Variants in COL22A1 observed in about 807,000 individuals in gnomAD.
The protein encoded by COL22A1 is collagen alpha-1(XXII) chain.
A neutral mutation model predicts 248.9 loss-of-function variants in COL22A1; 221 were observed. The observed-to-expected ratio is 0.89, with a 90% CI of 0.80 to 0.99. COL22A1 has a LOEUF of 0.99. Among genes scored for constraint, COL22A1 ranks in the 50% least tolerant of loss-of-function variants. The pLI is 0.00. For missense variants in COL22A1, 2,240 were observed against 2,179.0 expected, an observed-to-expected ratio of 1.03 and a Z score of -0.56; for synonymous variants, 891 against 793.4, an observed-to-expected ratio of 1.12 and a Z score of -2.07.
chr8:138,764,172 G>A (rs538831379), intron 16 of COL22A1, among the ~76,000 whole-genome samples: 14 of 152,278 alleles, frequency 9.2e-5, no homozygotes, highest in East Asian at 7.7e-4. Flanking sequence ...TGCTGTGCTC[G>A]CTGTGGGTGC....
At chr8:138,676,474 A>AAAGAAAGGAAGGAAGAAAGAAAG in intron 41 of COL22A1, 84 bp downstream of exon 41, 6 of 645,494 alleles carry the variant, frequency 9.3e-6, no homozygotes, top group African/African-American at 2.0e-5. Flanking sequence ...AGAAAGAAAG[A>AAAGAAAGGAAGGAAGAAAGAAAG]AAAGAGTGTT....
chr8:138,908,709 T>G (rs537756494), intron 1 of COL22A1, among the ~76,000 whole-genome samples: 1 of 152,130 alleles, frequency 6.6e-6, no homozygotes, highest in Non-Finnish European at 1.5e-5. Context: ...CTGGCACCAA[T>G]TGGCACTCAA....
chr8:138,841,970 A>G (rs540195800), intron 4 of COL22A1, among the ~76,000 whole-genome samples: 14 of 152,308 alleles, frequency 9.2e-5, no homozygotes, highest in African/African-American at 3.1e-4. Context: ...AGTTTGCCTG[A>G]TTTTTAAGAC....
intron 3 of COL22A1, among the ~76,000 whole-genome samples, chr8:138,861,870 T>TGA (rs1822487853): frequency 1.3e-5 from 2 of 152,066 alleles, no homozygotes; most frequent in Non-Finnish European, 2.9e-5. Context: ...TTCAGCTATC[T>TGA]GGATGTTTTC....
chr8:138,897,129 T>C (rs1825476992), intron 1 of COL22A1, among the ~76,000 whole-genome samples: 1 of 152,284 alleles, frequency 6.6e-6, no homozygotes, highest in South Asian at 2.1e-4. Context: ...GCTAAATCAT[T>C]CATTTTTGAA....
chr8:138,679,790 G>C, intron 39 of COL22A1, 114 bp from the exon 40 acceptor site: 1 of 957,446 alleles, frequency 1.0e-6, no homozygotes, highest in Non-Finnish European at 1.7e-6. Flanking sequence ...TATCCACAGT[G>C]TCCAGATTAG....
chr8:138,873,326 T>C (rs952800121), intron 3 of COL22A1, among the ~76,000 whole-genome samples: 2 of 152,200 alleles, frequency 1.3e-5, no homozygotes, highest in Non-Finnish European at 2.9e-5. Flanking sequence ...CTTCATGTTC[T>C]TATATTCTTT....
intron 12 of COL22A1, among the ~76,000 whole-genome samples, chr8:138,782,603 T>C (rs140845738): frequency 6.6e-6 from 1 of 152,196 alleles, no homozygotes; most frequent in Non-Finnish European, 1.5e-5. Context: ...GAGGTGAAGG[T>C]TGCAGGTGCC....
At chr8:138,793,120 A>G (rs1000956150) in intron 12 of COL22A1, among the ~76,000 whole-genome samples, 1 of 152,230 alleles carries the variant, frequency 6.6e-6, no homozygotes, top group African/African-American at 2.4e-5. Context: ...AACAGCCAGA[A>G]TAAGAGTATT....
chr8:138,826,845 G>T, intron 5 of COL22A1, 64 bp from the exon 6 acceptor site: 1 of 1,589,162 alleles, frequency 6.3e-7, no homozygotes, highest in Non-Finnish European at 8.6e-7. Context: ...AGCAAAGTGA[G>T]CCCACACAAC....
chr8:138,847,486 G>A (rs1330067664), intron 3 of COL22A1, among the ~76,000 whole-genome samples: 1 of 152,172 alleles, frequency 6.6e-6, no homozygotes, highest in East Asian at 1.9e-4. Context: ...GAGAAACACT[G>A]TAGCTGTTTG....
chr8:138,786,890 C>T (rs1264714063), intron 12 of COL22A1, among the ~76,000 whole-genome samples: 2 of 151,384 alleles, frequency 1.3e-5, no homozygotes, highest in East Asian at 1.9e-4. Context: ...GCAGCCTGGG[C>T]GACAGAGCTA....
intron 22 of COL22A1, among the ~76,000 whole-genome samples, chr8:138,750,426 G>A (rs931292920): frequency 7.2e-5 from 11 of 152,308 alleles, no homozygotes; most frequent in South Asian, 2.1e-4. Context: ...CAGAGTCGGC[G>A]CTGAATGAGA....
intron 51 of COL22A1, 104 bp from the exon 52 acceptor site, chr8:138,623,889 C>T (rs904786393): frequency 5.6e-5 from 54 of 958,104 alleles, no homozygotes; most frequent in Non-Finnish European, 2.7e-5. Flanking sequence ...CCAGCAGTTG[C>T]CTTCACAGTT....
Position 138,877,767 on chromosome 8 carries a change from C to T in COL22A1, c.641G>A (p.Arg214Gln). ...NAIDKIRGKL[R>Q]RRLCENVLCP... ...GCACTCACTTTCACAAAGACGGCGC[C>T]GCAGCTTGCCCCGGATCTTGTCGAT... is the stretch of plus-strand genomic sequence containing the variant. Residue 214 changes from arginine to glutamine, a missense_variant, in exon 3 of 65, where the codon CGG (arginine) becomes CAG (glutamine). Physicochemically the swap from Arg to Gln is conservative, Grantham distance 43. Coordinates refer to ENST00000303045, the MANE Select transcript of COL22A1 (RefSeq NM_152888.3). 6.3e-7 allele frequency: 1 copy of T among 1,592,530 alleles called. No homozygotes were observed. The highest frequency in any genetic ancestry group is 1.3e-5 in the African/African-American group (1 of 74,430).
At chr8:138,830,824 G>A (rs548702402) in intron 5 of COL22A1, among the ~76,000 whole-genome samples, 1 of 152,204 alleles carries the variant, frequency 6.6e-6, no homozygotes, top group East Asian at 1.9e-4. Context: ...GTGGTGAATT[G>A]GACATATTAG....
At chr8:138,742,796 T>TTGATGG (rs1355956201) in intron 22 of COL22A1, among the ~76,000 whole-genome samples, 4 of 129,368 alleles carry the variant, frequency 3.1e-5, no homozygotes, top group Admixed American at 7.6e-5. Context: ...GATGGTGGAG[T>TTGATGG]TGATGGTGAT....
chr8:138,862,987 T>A (rs544438319), intron 3 of COL22A1, among the ~76,000 whole-genome samples: 44 of 152,224 alleles, frequency 2.9e-4, no homozygotes, highest in Non-Finnish European at 5.0e-4. Context: ...CAGCCATAAG[T>A]AAAGAGGGGA....
intron 31 of COL22A1, among the ~76,000 whole-genome samples, chr8:138,700,984 GT>G (rs1827916477): frequency 1.3e-5 from 1 of 77,614 alleles, no homozygotes; most frequent in South Asian, 6.0e-4. Flanking sequence ...GCGAGACTCC[GT>G]CTCAAAAAAA....
Sources: gnomAD v4.1 joint callset for allele counts (sites outside exome capture counted in the v4.1 genomes callset) on GRCh38, gnomAD v4.1.1 for gene constraint, MANE v1.5 for transcripts, NCBI Gene and HGNC (gene_info 2026-07-23, HGNC 2026-07-21) for gene names.